Variants in CADM2 observed in about 807,000 individuals in gnomAD.
CADM2 encodes the protein cell adhesion molecule 2.
A neutral mutation model predicts 49.8 loss-of-function variants in CADM2; 12 were observed. That is an observed-to-expected ratio of 0.24 (90% confidence interval 0.15 to 0.39). The LOEUF (loss-of-function observed/expected upper bound fraction) is 0.39. Among genes scored for constraint, CADM2 ranks in the 10% least tolerant of loss-of-function variants. The pLI is 1.00. For synonymous variants in CADM2, 214 were observed against 175.4 expected (o/e 1.22, Z -1.74); for missense variants, 378 against 492.3 (o/e 0.77, Z 2.20).
chr3:84,991,986 T>G (rs535762010), intron 1 of CADM2, among the ~76,000 whole-genome samples: 1 of 152,160 alleles, frequency 6.6e-6, no homozygotes, highest in East Asian at 1.9e-4. Flanking sequence ...GGTTACTAGG[T>G]GTTAGGGAAG....
At chr3:85,053,485 G>C (rs1016062048) in intron 1 of CADM2, among the ~76,000 whole-genome samples, 1 of 151,964 alleles carries the variant, frequency 6.6e-6, no homozygotes. Flanking sequence ...CATTTATGAT[G>C]ACCACAACCA....
intron 3 of CADM2, among the ~76,000 whole-genome samples, chr3:85,808,742 T>G (rs1207398121): frequency 1.3e-5 from 2 of 152,166 alleles, no homozygotes; most frequent in Admixed American, 1.3e-4. Flanking sequence ...CCTTAAAAAT[T>G]TCCTAAAGAA....
chr3:85,063,688 TTGAAG>T (rs1429341945), intron 1 of CADM2, among the ~76,000 whole-genome samples: 3 of 152,060 alleles, frequency 2.0e-5, no homozygotes, highest in Admixed American at 6.6e-5. Flanking sequence ...GGAATTGTGC[TTGAAG>T]TGGACTGTTT....
intron 5 of CADM2, among the ~76,000 whole-genome samples, chr3:85,893,513 A>C (rs1056360925): frequency 2.0e-5 from 3 of 152,202 alleles, no homozygotes; most frequent in African/African-American, 4.8e-5. Context: ...AATTAAACTA[A>C]AGAGCTTCTG....
chr3:85,379,357 G>T (rs1242829438), intron 1 of CADM2, among the ~76,000 whole-genome samples: 8 of 151,914 alleles, frequency 5.3e-5, no homozygotes, highest in African/African-American at 1.9e-4. Flanking sequence ...GAGTTTAGAT[G>T]AAGGTAAAAA....
At position 86,004,350 on chromosome 3, in the gene CADM2, A is replaced by C. The variant is rs143279364; in HGVS notation, c.970+42703A>C. Among the ~76,000 whole-genome samples the C allele has an allele frequency of 7.3e-3, 1,115 of 152,302 alleles. 13 individuals carry two copies. Among genetic ancestry groups the C allele is most frequent in the Non-Finnish European group, 9.4e-3 (639 of 68,018 alleles). On this transcript the variant is annotated intron_variant, in intron 8 of 9. Transcript: ENST00000383699. ...GTGCAATCTAATGTTAAAACCCTGA[A>C]CTATCACAGGATAGTAGCTCATGTC...
intron 2 of CADM2, among the ~76,000 whole-genome samples, chr3:85,758,688 A>G (rs895607983): frequency 6.6e-6 from 1 of 152,160 alleles, no homozygotes; most frequent in East Asian, 1.9e-4. Context: ...ATTACTAAAT[A>G]TGACTGGGAT....
Position 85,398,017 on chromosome 3 carries a change from T to A in CADM2, c.62-328505T>A, listed in dbSNP as rs189284536. ...AGCCTTTTTCTTTTTCTTTTTTTTT[T>A]AATTATACTTTAAGTTCTAGGTTAC... On this transcript the variant is annotated intron_variant, in intron 1 of 9. Transcript: ENST00000383699. 7.7e-3 allele frequency among the ~76,000 whole-genome samples: 1,171 copies of A among 152,234 alleles called. 13 individuals are homozygous for A. The highest frequency in any genetic ancestry group is 0.025 in the African/African-American group (1,024 of 41,542).
At chr3:85,779,656 C>T (rs1245057643) in intron 2 of CADM2, among the ~76,000 whole-genome samples, 1 of 152,174 alleles carries the variant, frequency 6.6e-6, no homozygotes, top group East Asian at 1.9e-4. Flanking sequence ...AGGTTCATCC[C>T]ACAATACGTG....
intron 1 of CADM2, among the ~76,000 whole-genome samples, chr3:85,483,828 C>T (rs946882439): frequency 6.6e-6 from 1 of 151,190 alleles, no homozygotes; most frequent in Non-Finnish European, 1.5e-5. Flanking sequence ...TTTTAAAGGT[C>T]TTCTTGAATT....
intron 1 of CADM2, among the ~76,000 whole-genome samples, chr3:85,619,671 TCA>T (rs2063910655): frequency 6.6e-6 from 1 of 152,178 alleles, no homozygotes; most frequent in South Asian, 2.1e-4. Context: ...ATTCTGAGAA[TCA>T]CTATCATTCC....
rs546450584 is a variant in CADM2, at chr3:85,354,384, A to G, written c.62-372138A>G. 7.6e-3 allele frequency among the ~76,000 whole-genome samples: 1,133 copies of G among 149,466 alleles called. 18 individuals carry two copies. The highest frequency in any genetic ancestry group is 0.027 in the African/African-American group (1,078 of 40,584). On this transcript the variant is annotated intron_variant, in intron 1 of 9. Transcript: ENST00000383699. ...GGGGGGAGGGGGGAGGGATAGCATTAAGAGATACACCTAATGCTAAATGAC... is the reference window on the plus strand; with the variant it reads ...GGGGGGAGGGGGGAGGGATAGCATTGAGAGATACACCTAATGCTAAATGAC...
Position 85,358,900 on chromosome 3 carries a change from G to A in CADM2, c.62-367622G>A, listed in dbSNP as rs1035857387. On this transcript the variant is annotated intron_variant, in intron 1 of 9. Transcript: ENST00000383699. ...AATAGGAAATAATCTTGTAGTTAGT[G>A]GGTTGTGCTTACTGTGACATTGTCC... 1.7e-4 allele frequency among the ~76,000 whole-genome samples: 26 copies of A among 152,258 alleles called. 1 individual carries two copies. Among genetic ancestry groups the A allele is most frequent in the Admixed American group, 1.7e-3 (26 of 15,274 alleles).
chr3:85,185,366 A>C (rs1208919505), intron 1 of CADM2, among the ~76,000 whole-genome samples: 2 of 152,154 alleles, frequency 1.3e-5, no homozygotes, highest in Admixed American at 1.3e-4. Context: ...GGAAATAGGA[A>C]CATATGTTTC....
At chr3:85,505,633 CT>C (rs1292180396) in intron 1 of CADM2, among the ~76,000 whole-genome samples, 1 of 152,106 alleles carries the variant, frequency 6.6e-6, no homozygotes, top group Non-Finnish European at 1.5e-5. Flanking sequence ...GTCACAGAAC[CT>C]TTGTCATAAA....
At chr3:85,535,588 G>T (rs6767921) in intron 1 of CADM2, among the ~76,000 whole-genome samples, 1 of 152,066 alleles carries the variant, frequency 6.6e-6, no homozygotes, top group Non-Finnish European at 1.5e-5. Context: ...CTTTGAAGGA[G>T]TTTGTTTCCT....
At chr3:85,639,347 CA>C (rs2064631987) in intron 1 of CADM2, among the ~76,000 whole-genome samples, 1 of 152,176 alleles carries the variant, frequency 6.6e-6, no homozygotes, top group South Asian at 2.1e-4. Flanking sequence ...CTAAACATTG[CA>C]TCGCACACTA....
intron 1 of CADM2, among the ~76,000 whole-genome samples, chr3:85,107,213 G>A (rs2038261329): frequency 6.6e-6 from 1 of 152,090 alleles, no homozygotes; most frequent in Non-Finnish European, 1.5e-5. Flanking sequence ...ATGTGTGTGA[G>A]GGAGGGTTTA....
intron 1 of CADM2, among the ~76,000 whole-genome samples, chr3:85,429,523 G>A (rs974525938): frequency 4.0e-5 from 6 of 151,790 alleles, no homozygotes; most frequent in African/African-American, 7.3e-5. Flanking sequence ...TTTTTTTGAT[G>A]CAAGTTATTC....
Sources: gnomAD v4.1 joint callset for allele counts (sites outside exome capture counted in the v4.1 genomes callset) on GRCh38, gnomAD v4.1.1 for gene constraint, MANE v1.5 for transcripts, NCBI Gene and HGNC (gene_info 2026-07-23, HGNC 2026-07-21) for gene names.